The following LMNTD2 variants were observed in gnomAD, a reference collection of about 807,000 sequenced individuals.
The protein encoded by LMNTD2 is lamin tail domain containing 2, also known as lamin tail domain-containing protein 2.
A neutral mutation model predicts 70.1 loss-of-function variants in LMNTD2; 83 were observed. The ratio of observed to expected loss-of-function variants is 1.18; its 90% CI spans 0.99 to 1.42. The LOEUF is 1.42. Among genes scored for constraint, LMNTD2 ranks in the 40% most tolerant of loss-of-function variants. The probability of loss-of-function intolerance (pLI) is 0.00; values close to 1 mark genes in which losing one functional copy is unlikely to be tolerated. For missense variants in LMNTD2, 1,153 were observed against 905.9 expected (o/e 1.27, Z -3.50); for synonymous variants, 534 against 406.1 (o/e 1.31, Z -3.79).
rs79820513 is a variant in LMNTD2, at chr11:558,165, T to G, written c.395A>C (p.Gln132Pro). The G allele has an allele frequency of 0.076, 122,197 of 1,613,316 alleles. 4,987 individuals carry two copies. The highest frequency in any genetic ancestry group is 0.086 in the Non-Finnish European group (101,112 of 1,179,800). The change falls in exon 4 of 14, where the codon CAG becomes CCG. Residue 132 changes from glutamine to proline, a missense_variant. Gln to Pro is a moderately conservative substitution (Grantham distance 76). Coordinates refer to ENST00000329451, the MANE Select transcript of LMNTD2 (RefSeq NM_173573.3). Reference sequence around the variant, plus strand: ...CTCCCTGTGCCCCTGCCTCACCCACTGGGCTCGCTCCTTCTGTTCCTTCAA... The same window carrying G: ...CTCCCTGTGCCCCTGCCTCACCCACGGGGCTCGCTCCTTCTGTTCCTTCAA... ...QELKEQKERA[Q>P]WEKEHLEERL...
Position 557,603 on chromosome 11 carries a change from A to G in LMNTD2, c.593T>C (p.Leu198Pro). ...GGTGGGGGCCTGAATGTTTTCAGAGAGGTCGCTTGGGTCCATCAGAGTCTC... is the reference window on the plus strand; with the variant it reads ...GGTGGGGGCCTGAATGTTTTCAGAGGGGTCGCTTGGGTCCATCAGAGTCTC... ...TAETLMDPSD[L>P]SENIQAPTGE... The change falls in exon 6 of 14, where the codon CTC (leucine) becomes CCC (proline). Residue 198 changes from leucine (L) to proline (P), a missense_variant. Physicochemically the swap from Leu to Pro is moderately conservative, Grantham distance 98. Coordinates refer to ENST00000329451, the MANE Select transcript of LMNTD2 (RefSeq NM_173573.3). 1 of 1,613,278 alleles carries G rather than the reference A, an allele frequency of 6.2e-7. No homozygotes were observed. The highest frequency in any genetic ancestry group is 8.5e-7 in the Non-Finnish European group (1 of 1,179,852).
intron 7 of LMNTD2, 29 bp from the exon 8 acceptor site, chr11:557,126 C>A: frequency 6.4e-7 from 1 of 1,552,920 alleles, no homozygotes; most frequent in Non-Finnish European, 8.7e-7. Context: ...TTGATGGCCA[C>A]TCCAGCTCCA....
intron 12 of LMNTD2, 40 bp downstream of exon 12, chr11:555,694 T>TGGGGAGGGAGGCCAGATCCC (rs1852807684): frequency 1.5e-6 from 2 of 1,369,060 alleles, no homozygotes; most frequent in Non-Finnish European, 1.9e-6. Flanking sequence ...GGTCGGGGCC[T>TGGGGAGGGAGGCCAGATCCC]GGGGAGGGAG....
In LMNTD2 at chr11:556,002, C is replaced by T. The variant is rs776163484; in HGVS notation, c.1371G>A (p.Lys457=). Residue 457 remains lysine, a synonymous_variant, in exon 11 of 14, where the codon AAG becomes AAA. Coordinates refer to ENST00000329451, the MANE Select transcript of LMNTD2 (RefSeq NM_173573.3). ...RGCATLLLSP[K]GEVLSEHRIP... ...ACCGGGGACCCGCACCGACCTCGCC[C>T]TTGGGGCTCAGGAGCAGCGTCGCGC... 7.1e-6 allele frequency: 11 copies of T among 1,559,340 alleles called. No individual in the cohort carries two copies. The highest frequency in any genetic ancestry group is 9.5e-6 in the Non-Finnish European group (11 of 1,162,736).
At chr11:557,346 C>G (rs1380844907) in intron 7 of LMNTD2, 53 bp downstream of exon 7, 7 of 1,543,672 alleles carry the variant, frequency 4.5e-6, no homozygotes, top group Non-Finnish European at 6.2e-6. Flanking sequence ...CTTCACTTGC[C>G]AAGGTGAGCC....
In LMNTD2 at chr11:557,896, A is replaced by G; in HGVS notation, c.543T>C (p.Thr181=). 6.4e-7 allele frequency: 1 copy of G among 1,571,344 alleles called. No homozygotes were observed. Among genetic ancestry groups the G allele is most frequent in the Admixed American group, 1.8e-5 (1 of 54,702 alleles). ...SWVGRMLRSQ[T]GSVEVVTAET... is the part of the protein sequence containing the mutation. ...GGGACAGGCTCACCTCCACACTGCC[A>G]GTCTGGGATCGTAGCATGCGGCCCA... The change falls in exon 5 of 14, where the codon ACT becomes ACC. Residue 181 remains threonine (T), a synonymous_variant. Transcript: ENST00000329451.
At chr11:560,188 C>G (rs1853185788) in intron 1 of LMNTD2, 1 of 588,180 alleles carries the variant, frequency 1.7e-6, no homozygotes, top group Non-Finnish European at 2.1e-6. Flanking sequence ...GCAGGAGGCC[C>G]ACGCCCACAA....
At position 556,010 on chromosome 11, in the gene LMNTD2, T is replaced by C. The variant is rs775105805; in HGVS notation, c.1363A>G (p.Ser455Gly). 47 of 1,558,434 alleles carry C rather than the reference T, an allele frequency of 3.0e-5. No individual in the cohort carries two copies. Among genetic ancestry groups the C allele is most frequent in the Non-Finnish European group, 3.6e-5 (42 of 1,162,570 alleles). Residue 455 changes from serine (S) to glycine (G), a missense_variant, in exon 11 of 14, where the codon AGC becomes GGC. Transcript: ENST00000329451. ...SIRGCATLLL[S>G]PKGEVLSEHR... Reference sequence around the variant, plus strand: ...CCCGCACCGACCTCGCCCTTGGGGCTCAGGAGCAGCGTCGCGCAGCCGCGG... The same window carrying C: ...CCCGCACCGACCTCGCCCTTGGGGCCCAGGAGCAGCGTCGCGCAGCCGCGG...
chr11:554,911 G>T lies in LMNTD2; in HGVS notation c.*69C>A. 1 of 1,144,536 alleles carries T rather than the reference G, an allele frequency of 8.7e-7. No individual in the cohort carries two copies. Among genetic ancestry groups the T allele is most frequent in the Non-Finnish European group, 1.2e-6 (1 of 845,256 alleles). The allele number at this position is 1,144,536 out of a possible 1,614,324, so 70.9% of individuals were successfully genotyped here. A position where few individuals can be genotyped will look rare whatever the true frequency, so the allele number is the denominator to read the frequency against. ...CGTTGGTTCAATAAATGATGCAGCG[G>T]ACACAGCCCGCCCAGCCCCGGCGCC... On this transcript the variant is annotated 3_prime_UTR_variant, in exon 14 of 14. Transcript: ENST00000329451.
Position 555,745 on chromosome 11 carries a change from G to A in LMNTD2, c.1563C>T (p.Arg521=). Residue 521 remains arginine (R), a synonymous_variant, in exon 12 of 14, where the codon CGC becomes CGT. Transcript: ENST00000329451. ...CCCGCGGTCCCCACCCTGGTCTCCGGCGACTGACCCGGGGCTCCCGCACCC... is the reference window on the plus strand; with the variant it reads ...CCCGCGGTCCCCACCCTGGTCTCCGACGACTGACCCGGGGCTCCCGCACCC... The part of the protein sequence containing the change: ...KGRVREPRVS[R]RRPGTRGLLP... 4.2e-6 allele frequency: 6 copies of A among 1,412,382 alleles called. No homozygotes were observed. The highest frequency in any genetic ancestry group is 4.6e-6 in the Non-Finnish European group (5 of 1,095,452). 87.5% of individuals were successfully genotyped at this position (1,412,382 alleles called of 1,614,324 possible).
chr11:556,119 G>C lies in LMNTD2; in HGVS notation c.1258-4C>G. The C allele has an allele frequency of 7.1e-7, 1 of 1,403,780 alleles. No individual in the cohort carries two copies. The highest frequency in any genetic ancestry group is 3.1e-5 in the Admixed American group (1 of 31,812). The allele number at this position is 1,403,780 out of a possible 1,614,324, so 87.0% of individuals were successfully genotyped here. On this transcript the variant is annotated splice_region_variant and splice_polypyrimidine_tract_variant and intron_variant, in intron 10 of 13. Transcript: ENST00000329451. ...TGCGGGTCGCCTCGCCCCAGACCTGGAGGGGCGTGGAGCGGCGGGTGAGGG... is the reference window on the plus strand; with the variant it reads ...TGCGGGTCGCCTCGCCCCAGACCTGCAGGGGCGTGGAGCGGCGGGTGAGGG...
Position 556,088 on chromosome 11 carries a change from TG to T in LMNTD2, c.1284del (p.Lys429ArgfsTer26), listed in dbSNP as rs769490400. The T allele has an allele frequency of 2.5e-5, 39 of 1,533,718 alleles. No individual in the cohort carries two copies. Among genetic ancestry groups the T allele is most frequent in the Non-Finnish European group, 3.2e-5 (37 of 1,151,264 alleles). On this transcript the variant is annotated frameshift_variant, in exon 11 of 14. Transcript: ENST00000329451. LOFTEE classifies it high-confidence loss of function. ...VTVWGEATRS[A>X]KKPLRASSSR... Reference sequence around the variant, plus strand: ...CTCGAGGACGCGCGCAGCGGCTTCTTGGCGCTGCGGGTCGCCTCGCCCCAGA... The same window carrying T: ...CTCGAGGACGCGCGCAGCGGCTTCTTGCGCTGCGGGTCGCCTCGCCCCAGA...
At position 558,318 on chromosome 11, in the gene LMNTD2, G is replaced by A. The variant is rs569767691; in HGVS notation, c.312-70C>T. Reference sequence around the variant, plus strand: ...GGGTTCCTAATGTCAGGTCAGTGGCGAAGGAGGGGAGAAGGAGGGGCTCCA... The same window carrying A: ...GGGTTCCTAATGTCAGGTCAGTGGCAAAGGAGGGGAGAAGGAGGGGCTCCA... On this transcript the variant is annotated intron_variant, in intron 3 of 13. Coordinates refer to ENST00000329451, the MANE Select transcript of LMNTD2 (RefSeq NM_173573.3). 46 of 1,518,910 alleles carry A rather than the reference G, an allele frequency of 3.0e-5. No homozygotes were observed. The East Asian group carries it at 7.7e-4, about 25-fold the overall frequency. 94.1% of individuals were successfully genotyped at this position (1,518,910 alleles called of 1,614,324 possible).
At position 558,156 on chromosome 11, in the gene LMNTD2, C is replaced by G; in HGVS notation, c.399+5G>C. The G allele has an allele frequency of 1.2e-6, 2 of 1,613,228 alleles. No individual in the cohort carries two copies. The highest frequency in any genetic ancestry group is 1.7e-6 in the Non-Finnish European group (2 of 1,179,790). ...CCCTGCCCACTCCCTGTGCCCCTGC[C>G]TCACCCACTGGGCTCGCTCCTTCTG... On this transcript the variant is annotated splice_donor_5th_base_variant and intron_variant, in intron 4 of 13. Transcript: ENST00000329451.
chr11:559,063 C>A, intron 1 of LMNTD2, 84 bp from the exon 2 acceptor site: 2 of 1,560,306 alleles, frequency 1.3e-6, no homozygotes, highest in Non-Finnish European at 1.7e-6. Context: ...TCTTCGGGAG[C>A]TGGGAGGGGT....
In LMNTD2 at chr11:555,008, A is replaced by C; in HGVS notation, c.1877T>G (p.Val626Gly). ...FGFRFLSCLP[V>G]TADTCRGA ...GGCGCCGCGGCAGGTGTCCGCGGTG[A>C]CCGGCAGGCAGCTGAGGAAGCGGAA... Residue 626 changes from valine to glycine, a missense_variant, in exon 14 of 14, where the codon GTC (valine) becomes GGC (glycine). Physicochemically the swap from Val to Gly is moderately radical, Grantham distance 109. Transcript: ENST00000329451. 1.9e-6 allele frequency: 3 copies of C among 1,590,542 alleles called. No individual in the cohort carries two copies. Among genetic ancestry groups the C allele is most frequent in the Non-Finnish European group, 2.6e-6 (3 of 1,172,080 alleles).
intron 1 of LMNTD2, chr11:559,710 C>T: frequency 8.8e-7 from 1 of 1,139,614 alleles, no homozygotes; most frequent in Middle Eastern, 4.1e-4. Flanking sequence ...GGGGACTGTG[C>T]TGAACGCTAA....
In LMNTD2 at chr11:556,483, G is replaced by A. The variant is rs1220694746; in HGVS notation, c.1073+9C>T. The A allele has an allele frequency of 1.9e-5, 30 of 1,550,116 alleles. No individual in the cohort carries two copies. The highest frequency in any genetic ancestry group is 7.8e-5 in the Admixed American group (4 of 51,008). ...CCGGCGCCGGAGGCTTGGGTCACTC[G>A]CCCCTTACCTCTGCAGGAGTTCCGG... On this transcript the variant is annotated intron_variant, in intron 9 of 13. Coordinates refer to ENST00000329451, the MANE Select transcript of LMNTD2 (RefSeq NM_173573.3).
rs780485752 is a variant in LMNTD2 at position 555,981 on chromosome 11, G to A, written c.1377+15C>T. The A allele has an allele frequency of 9.0e-6, 14 of 1,556,732 alleles. No homozygotes were observed. The East Asian group carries it at 3.3e-4, about 37-fold the overall frequency. ...CACCCCAGCCCCGGCCGCCCCACCG[G>A]GGACCCGCACCGACCTCGCCCTTGG... is the stretch of plus-strand genomic sequence containing the variant. On this transcript the variant is annotated intron_variant, in intron 11 of 13. Transcript: ENST00000329451.
Sources: allele counts gnomAD v4.1 joint callset, GRCh38; gene constraint gnomAD v4.1.1; transcripts MANE v1.5; gene names NCBI Gene and HGNC (gene_info 2026-07-23, HGNC 2026-07-21).